COL11A1: variants seen among roughly 807,000 people sequenced by gnomAD.
The protein encoded by COL11A1 is collagen alpha-1(XI) chain.
A neutral mutation model predicts 265.2 loss-of-function variants in COL11A1; 74 were observed. That is an observed-to-expected ratio of 0.28 (90% confidence interval 0.23 to 0.34). COL11A1 has a LOEUF of 0.34. COL11A1 is among the 10% of genes least tolerant of loss of function. The pLI, the probability that COL11A1 is intolerant of heterozygous loss-of-function variation, is 1.00. For synonymous variants in COL11A1, 816 were observed against 727.6 expected (o/e 1.12, Z -1.96); for missense variants, 2,165 against 2,263.6 (o/e 0.96, Z 0.88).
chr1:103,078,659 T>C lies in COL11A1; in HGVS notation c.487A>G (p.Lys163Glu), dbSNP rs1445138450. 3.1e-6 allele frequency: 5 copies of C among 1,612,694 alleles called. No individual in the cohort carries two copies. Among genetic ancestry groups the C allele is most frequent in the Non-Finnish European group, 4.2e-6 (5 of 1,179,074 alleles). The change falls in exon 3 of 67, where the codon AAG becomes GAG. Residue 163 changes from lysine to glutamate, a missense_variant and splice_region_variant. Coordinates refer to ENST00000370096, the MANE Select transcript of COL11A1 (RefSeq NM_001854.4). ...ACATTGTATTATTTTGTTACTTACT[T>C]CCCGTCAGCGATGTTAACAGTTCTG... The part of the protein sequence containing the change: ...LFRTVNIADG[K>E]WHRVAISVEK...
At chr1:103,068,312 C>T (rs1558020282) in intron 4 of COL11A1, among the ~76,000 whole-genome samples, 1 of 151,362 alleles carries the variant, frequency 6.6e-6, no homozygotes, top group Non-Finnish European at 1.5e-5. Flanking sequence ...AAAAATCAAT[C>T]AATGTAATTC....
intron 4 of COL11A1, among the ~76,000 whole-genome samples, chr1:103,056,247 G>A (rs1348276918): frequency 6.6e-6 from 1 of 151,834 alleles, no homozygotes; most frequent in Non-Finnish European, 1.5e-5. Context: ...AATGAAGAGG[G>A]GAATTGCCTA....
In COL11A1 at chr1:103,108,212, C is replaced by T; in HGVS notation, c.-34G>A. ...CCCGCACTCACAACTGTGAACTCAA[C>T]CCACGAAATTGCGACTGCAGACCAA... On this transcript the variant is annotated 5_prime_UTR_variant, in exon 1 of 67. Transcript: ENST00000370096. 3 of 1,582,414 alleles carry T rather than the reference C, an allele frequency of 1.9e-6. No homozygotes were observed. Among genetic ancestry groups the T allele is most frequent in the Non-Finnish European group, 1.7e-6 (2 of 1,152,336 alleles).
chr1:102,927,854 T>A (rs950298123), intron 46 of COL11A1, among the ~76,000 whole-genome samples: 5 of 152,204 alleles, frequency 3.3e-5, no homozygotes, highest in African/African-American at 1.2e-4. Flanking sequence ...TTATTTTACC[T>A]ATTATTGTTT....
chr1:103,084,606 A>AC (rs1262192815), intron 1 of COL11A1, among the ~76,000 whole-genome samples: 1 of 152,168 alleles, frequency 6.6e-6, no homozygotes, highest in East Asian at 1.9e-4. Context: ...AAAAAAAAAA[A>AC]AAAACACTTT....
chr1:103,016,859 T>G (rs1666608320), intron 11 of COL11A1, among the ~76,000 whole-genome samples: 1 of 152,002 alleles, frequency 6.6e-6, no homozygotes, highest in Non-Finnish European at 1.5e-5. Flanking sequence ...ATGGTATAAT[T>G]TCCTATTACT....
At chr1:103,105,820 C>A (rs186864107) in intron 1 of COL11A1, among the ~76,000 whole-genome samples, 1 of 152,202 alleles carries the variant, frequency 6.6e-6, no homozygotes, top group African/African-American at 2.4e-5. Flanking sequence ...CTATTATTCC[C>A]TTTTTGAAGT....
At chr1:102,879,226 G>T (rs897390740) in intron 66 of COL11A1, among the ~76,000 whole-genome samples, 1 of 151,990 alleles carries the variant, frequency 6.6e-6, no homozygotes, top group Non-Finnish European at 1.5e-5. Flanking sequence ...AATGATACTG[G>T]ATCTCAAACT....
intron 5 of COL11A1, 69 bp from the exon 6 acceptor site, chr1:103,026,401 C>A: frequency 1.0e-6 from 1 of 988,824 alleles, no homozygotes; most frequent in South Asian, 1.3e-5. Flanking sequence ...AAGTGAGAAC[C>A]ATCTTAACTT....
rs1172280001 is a variant in COL11A1, at chr1:103,108,023, C to A, written c.106+50G>T. On this transcript the variant is annotated intron_variant, in intron 1 of 66. Transcript: ENST00000370096. ...TAAAGTGGGGGGAGGGGCGCAGAAG[C>A]AGTAGGACCGACGGCAATCTCCCAC... 3 of 1,335,938 alleles carry A rather than the reference C, an allele frequency of 2.2e-6. No individual in the cohort carries two copies. The Admixed American group carries it at 5.1e-5, about 23-fold the overall frequency. The allele number at this position is 1,335,938 out of a possible 1,614,324, so 82.8% of individuals were successfully genotyped here.
At chr1:102,958,120 A>G (rs1041092224) in intron 41 of COL11A1, among the ~76,000 whole-genome samples, 1 of 152,110 alleles carries the variant, frequency 6.6e-6, no homozygotes, top group Admixed American at 6.6e-5. Flanking sequence ...TTAACATAAG[A>G]TTGATATAAA....
intron 54 of COL11A1, among the ~76,000 whole-genome samples, chr1:102,909,416 C>T (rs763496645): frequency 2.0e-5 from 3 of 152,062 alleles, no homozygotes; most frequent in Non-Finnish European, 4.4e-5. Flanking sequence ...TATAAATTAC[C>T]CAGCCTCAGG....
chr1:102,968,810 CTA>C (rs1661682953), intron 37 of COL11A1, among the ~76,000 whole-genome samples: 1 of 152,144 alleles, frequency 6.6e-6, no homozygotes, highest in Admixed American at 6.5e-5. Context: ...TGTTTTTCTT[CTA>C]TGTTTAAATC....
intron 1 of COL11A1, chr1:103,100,622 TA>T (rs1674187128): frequency 6.6e-6 from 1 of 151,978 alleles, no homozygotes; most frequent in Non-Finnish European, 1.5e-5. Flanking sequence ...AATGACCTGG[TA>T]TTTTCTGTGG....
Position 102,995,967 on chromosome 1 carries a change from T to C in COL11A1, c.2295+22A>G, listed in dbSNP as rs751284550. ...AACATTTCACTTTGAAAGTAAATAA[T>C]GTGAAAACAATTTAACGTTACCTTT... is the stretch of plus-strand genomic sequence containing the variant. On this transcript the variant is annotated intron_variant, in intron 27 of 66. Coordinates refer to ENST00000370096, the MANE Select transcript of COL11A1 (RefSeq NM_001854.4). 9.9e-6 allele frequency: 16 copies of C among 1,613,124 alleles called. No individual in the cohort carries two copies. In the East Asian group the frequency reaches 3.3e-4, roughly 34 times the overall value.
intron 1 of COL11A1, among the ~76,000 whole-genome samples, chr1:103,107,502 C>G (rs1674794009): frequency 1.3e-5 from 2 of 149,128 alleles, no homozygotes; most frequent in South Asian, 2.2e-4. Flanking sequence ...CCCCCGCCCC[C>G]CAAACACACA....
chr1:103,016,231 A>G (rs1323956831), intron 11 of COL11A1, among the ~76,000 whole-genome samples: 1 of 151,760 alleles, frequency 6.6e-6, no homozygotes, highest in Non-Finnish European at 1.5e-5. Flanking sequence ...TAGACAATAG[A>G]TACTATCTTC....
intron 4 of COL11A1, among the ~76,000 whole-genome samples, chr1:103,055,374 A>G (rs1670164711): frequency 6.6e-6 from 1 of 152,250 alleles, no homozygotes. Context: ...GACCTTCTAC[A>G]CATTTACAAA....
chr1:102,886,407 C>T (rs181536121), intron 63 of COL11A1, among the ~76,000 whole-genome samples: 40 of 152,234 alleles, frequency 2.6e-4, no homozygotes, highest in African/African-American at 9.1e-4. Flanking sequence ...GCTATTTACA[C>T]ATATCCATAT....
Sources: gnomAD v4.1 joint callset for allele counts (sites outside exome capture counted in the v4.1 genomes callset) on GRCh38, gnomAD v4.1.1 for gene constraint, MANE v1.5 for transcripts, NCBI Gene and HGNC (gene_info 2026-07-23, HGNC 2026-07-21) for gene names.